The following TMX4 variants were observed in gnomAD, a reference collection of about 807,000 sequenced individuals.
TMX4 encodes the protein thioredoxin related transmembrane protein 4.
TMX4 carries 23 observed loss-of-function variants against 33.3 expected under a neutral mutation model. That is an observed-to-expected ratio of 0.69 (90% CI 0.50 to 0.98). TMX4 has a LOEUF of 0.98. Among genes scored for constraint, TMX4 ranks in the 50% least tolerant of loss-of-function variants. The probability of loss-of-function intolerance (pLI) is 0.00; values close to 1 mark genes in which losing one functional copy is unlikely to be tolerated. For missense variants in TMX4, 399 were observed against 448.9 expected (o/e 0.89, Z 1.01); for synonymous variants, 164 against 161.5 (o/e 1.02, Z -0.12).
chr20:8,016,932 C>G (rs943023141), intron 1 of TMX4, among the ~76,000 whole-genome samples: 3 of 151,952 alleles, frequency 2.0e-5, no homozygotes, highest in African/African-American at 7.3e-5. Flanking sequence ...CTCATCTGAA[C>G]TAAGTGTCAA....
chr20:8,011,032 G>C (rs548663864), intron 1 of TMX4, among the ~76,000 whole-genome samples: 96 of 152,202 alleles, frequency 6.3e-4, no homozygotes, highest in African/African-American at 2.2e-3. Context: ...GAAATGAACA[G>C]AGATAAGCAT....
At chr20:7,999,238 C>G (rs539102931) in intron 4 of TMX4, among the ~76,000 whole-genome samples, 2 of 152,244 alleles carry the variant, frequency 1.3e-5, no homozygotes, top group South Asian at 4.1e-4. Context: ...CCTAATCTAC[C>G]TCACCAAGTA....
chr20:8,019,590 C>T lies in TMX4; in HGVS notation c.24G>A (p.Pro8=), dbSNP rs1407198815. 1.0e-5 allele frequency: 14 copies of T among 1,362,242 alleles called. No individual in the cohort carries two copies. The highest frequency in any genetic ancestry group is 1.2e-5 in the Non-Finnish European group (13 of 1,060,874). 84.4% of individuals were successfully genotyped at this position (1,362,242 alleles called of 1,614,324 possible). A position where few individuals can be genotyped will look rare whatever the true frequency, so the allele number is the denominator to read the frequency against. Residue 8 remains proline, a synonymous_variant, in exon 1 of 8, where the codon CCG becomes CCA. Coordinates refer to ENST00000246024, the MANE Select transcript of TMX4 (RefSeq NM_021156.4). MAGGRCG[P]QLTALLAAWI... is the part of the protein sequence containing the mutation. Reference sequence around the variant, plus strand: ...AGGCGGCCAGGAGCGCCGTTAGCTGCGGGCCGCAGCGCCCACCCGCCATGT... The same window carrying T: ...AGGCGGCCAGGAGCGCCGTTAGCTGTGGGCCGCAGCGCCCACCCGCCATGT...
intron 5 of TMX4, among the ~76,000 whole-genome samples, chr20:7,995,341 C>A (rs1018074390): frequency 1.1e-4 from 17 of 152,094 alleles, no homozygotes; most frequent in African/African-American, 4.1e-4. Context: ...TCCTCCCCTA[C>A]AGAGAAGGGA....
intron 1 of TMX4, among the ~76,000 whole-genome samples, chr20:8,018,370 AG>A (rs1568540960): frequency 4.2e-5 from 2 of 48,134 alleles, no homozygotes; most frequent in African/African-American, 1.1e-4. Context: ...GAGAGAGAGG[AG>A]AGAGAGGAGA....
Position 7,985,651 on chromosome 20 carries a change from T to C in TMX4, c.615+1637A>G, listed in dbSNP as rs550125078. ...TAACAGTAAATGTATGAATCTTTTA[T>C]AATTTATGATTCATATGCTTTGAAA... On this transcript the variant is annotated intron_variant, in intron 6 of 7. Coordinates refer to ENST00000246024, the MANE Select transcript of TMX4 (RefSeq NM_021156.4). Among the ~76,000 whole-genome samples the C allele has an allele frequency of 2.3e-4, 35 of 152,342 alleles. No individual in the cohort carries two copies. In the South Asian group the frequency reaches 5.2e-3, roughly 23 times the overall value.
chr20:7,995,262 A>G (rs892741868), intron 5 of TMX4, among the ~76,000 whole-genome samples: 3 of 152,198 alleles, frequency 2.0e-5, no homozygotes, highest in Admixed American at 2.0e-4. Flanking sequence ...ACTCGCTTCT[A>G]AGACTTTTTG....
At chr20:8,014,586 G>A (rs181056887) in intron 1 of TMX4, among the ~76,000 whole-genome samples, 1 of 152,264 alleles carries the variant, frequency 6.6e-6, no homozygotes, top group East Asian at 1.9e-4. Flanking sequence ...TAGTACAAAA[G>A]CATATCAATA....
At chr20:7,984,651 A>C (rs544577322) in intron 6 of TMX4, among the ~76,000 whole-genome samples, 1 of 152,052 alleles carries the variant, frequency 6.6e-6, no homozygotes, top group Non-Finnish European at 1.5e-5. Flanking sequence ...ATTGACACAC[A>C]GTAACTATAT....
chr20:7,985,239 A>G (rs140210397), intron 6 of TMX4, among the ~76,000 whole-genome samples: 1,563 of 146,512 alleles, frequency 0.011, 14 homozygotes, highest in African/African-American at 0.026. Flanking sequence ...GTGTGTGTGT[A>G]TATATATGTG....
intron 2 of TMX4, among the ~76,000 whole-genome samples, chr20:8,008,809 T>A (rs992877170): frequency 1.3e-5 from 2 of 152,208 alleles, no homozygotes; most frequent in Admixed American, 1.3e-4. Context: ...TAACTTATTA[T>A]AACAGCCAAA....
intron 1 of TMX4, among the ~76,000 whole-genome samples, chr20:8,010,588 T>C (rs534724826): frequency 6.6e-6 from 1 of 152,272 alleles, no homozygotes; most frequent in South Asian, 2.1e-4. Context: ...TTCAATGCTA[T>C]TCATACAATT....
In TMX4 at chr20:7,999,743, C is replaced by T. The variant is rs1012891; in HGVS notation, c.456G>A (p.Pro152=). The T allele has an allele frequency of 0.31, 496,746 of 1,609,398 alleles. 79,877 individuals carry two copies. Among genetic ancestry groups the T allele is most frequent in the South Asian group, 0.52 (46,929 of 89,992 alleles). Residue 152 remains proline (P), a synonymous_variant, in exon 4 of 8, where the codon CCG becomes CCA. Coordinates refer to ENST00000246024, the MANE Select transcript of TMX4 (RefSeq NM_021156.4). The part of the protein sequence containing the change: ...SVEPLTGWKS[P]ASLTMSGMAG... ...AAAAATTGAGTTACGTTAGAGAAGC[C>T]GGGGATTTCCAGCCAGTCAGAGGCT... is the stretch of plus-strand genomic sequence containing the variant.
At position 7,982,392 on chromosome 20, in the gene TMX4, T is replaced by C; in HGVS notation, c.909A>G (p.Gly303=). ...RSEANDQGPP[G]EDGVTREEVE... The stretch of plus-strand genomic sequence containing the variant: ...CTTCCTCCCGGGTCACACCGTCCTC[T>C]CCTGGGGGCCCCTGATCATTGGCCT... Residue 303 remains glycine (G), a synonymous_variant, in exon 8 of 8, where the codon GGA becomes GGG. Coordinates refer to ENST00000246024, the MANE Select transcript of TMX4 (RefSeq NM_021156.4). 1 of 1,614,028 alleles carries C rather than the reference T, an allele frequency of 6.2e-7. No homozygotes were observed. The highest frequency in any genetic ancestry group is 1.1e-5 in the South Asian group (1 of 91,072).
At position 8,010,280 on chromosome 20, in the gene TMX4, T is replaced by TCCTCC; in HGVS notation, c.211_212insGGAGG (p.Asp71GlyfsTer23). 6.2e-7 allele frequency: 1 copy of TCCTCC among 1,611,796 alleles called. No homozygotes were observed. The highest frequency in any genetic ancestry group is 8.5e-7 in the Non-Finnish European group (1 of 1,178,422). ...CTTTGCAAAAGCCTCCCATTCTGAA[T>TCCTCC]CAGTCTGCTGGCAGGATGGACACCA... is the stretch of plus-strand genomic sequence containing the variant. On this transcript the variant is annotated frameshift_variant, in exon 2 of 8. Coordinates refer to ENST00000246024, the MANE Select transcript of TMX4 (RefSeq NM_021156.4). LOFTEE classifies it high-confidence loss of function.
At chr20:8,011,413 G>A (rs1483588818) in intron 1 of TMX4, among the ~76,000 whole-genome samples, 2 of 151,676 alleles carry the variant, frequency 1.3e-5, no homozygotes, top group Non-Finnish European at 2.9e-5. Context: ...TGCCTGTCAG[G>A]TCATCATTTA....
At chr20:8,005,395 A>G (rs2050724574) in intron 2 of TMX4, among the ~76,000 whole-genome samples, 1 of 152,222 alleles carries the variant, frequency 6.6e-6, no homozygotes, top group Non-Finnish European at 1.5e-5. Context: ...CTCGGCTTCT[A>G]CATCTCAGCC....
At chr20:7,985,518 C>T (rs1157039943) in intron 6 of TMX4, among the ~76,000 whole-genome samples, 1 of 151,950 alleles carries the variant, frequency 6.6e-6, no homozygotes, top group East Asian at 1.9e-4. Context: ...AATGATCCAC[C>T]TGCCTCAGCC....
rs74379869 is a variant in TMX4, at chr20:7,987,878, T to C, written c.514-489A>G. Reference sequence around the variant, plus strand: ...ACCTATTCATCCTTTCAAAGTTTGGTAAATTACCAGAAAACATAAAATGTA... The same window carrying C: ...ACCTATTCATCCTTTCAAAGTTTGGCAAATTACCAGAAAACATAAAATGTA... On this transcript the variant is annotated intron_variant, in intron 5 of 7. Transcript: ENST00000246024. Among the ~76,000 whole-genome samples, 270 of 152,326 alleles carry C rather than the reference T, an allele frequency of 1.8e-3. 6 individuals are homozygous for C. In the East Asian group the frequency reaches 0.043, roughly 24 times the overall value.
Sources: allele counts gnomAD v4.1 joint callset (sites outside exome capture counted in the v4.1 genomes callset), GRCh38; gene constraint gnomAD v4.1.1; transcripts MANE v1.5; gene names NCBI Gene and HGNC (gene_info 2026-07-23, HGNC 2026-07-21).